SMUG1: variants seen among roughly 807,000 people sequenced by gnomAD.
The protein encoded by SMUG1 is single-strand-selective monofunctional uracil-DNA glycosylase 1, also known as single-strand selective monofunctional uracil DNA glycosylase.
A neutral mutation model predicts 23.9 loss-of-function variants in SMUG1; 13 were observed. That is an observed-to-expected ratio of 0.54 (90% confidence interval 0.35 to 0.86). SMUG1 has a LOEUF of 0.86. Ranked by LOEUF, SMUG1 falls within the 40% of genes least tolerant of loss-of-function variation. The pLI, the probability that SMUG1 is intolerant of heterozygous loss-of-function variation, is 0.01. For synonymous variants in SMUG1, 133 were observed against 139.8 expected (o/e 0.95, Z 0.34); for missense variants, 313 against 339.5 (o/e 0.92, Z 0.61).
At chr12:54,182,857 A>G (rs1024544034) in intron 3 of SMUG1, 1 of 732,746 alleles carries the variant, frequency 1.4e-6, no homozygotes, top group East Asian at 3.0e-5. Flanking sequence ...CTCTAGCCCA[A>G]CTAGCCTTTG....
At chr12:54,178,244 T>C (rs7131837), downstream of SMUG1, among the ~76,000 whole-genome samples, 110,384 of 151,986 alleles carry the variant, frequency 0.73, 40,556 homozygotes, top group African/African-American at 0.85. Flanking sequence ...GCCCTAGCAG[T>C]GTAATACAGT....
rs200562796 is a variant in SMUG1, at chr12:54,170,999, CT to C, written c.*52+1025del. Among the ~76,000 whole-genome samples the C allele has an allele frequency of 2.2e-3, 311 of 142,210 alleles. 1 individual carries two copies. The highest frequency in any genetic ancestry group is 7.5e-3 in the Middle Eastern group (2 of 268). 93.3% of individuals were successfully genotyped at this position (142,210 alleles called of 152,430 possible). A position where few individuals can be genotyped will look rare whatever the true frequency, so the allele number is the denominator to read the frequency against. On this transcript the variant is annotated intron_variant and NMD_transcript_variant, in intron 3 of 4. Coordinates refer to the SMUG1 transcript ENST00000509864. ...TGGATGCCCTTCACTTTCTTTCTTT[CT>C]TTTTTTTTTTTTTGAGACGAAGTGT...
At chr12:54,159,674 G>A (rs961715739) in intron 4 of SMUG1, among the ~76,000 whole-genome samples, 31 of 152,192 alleles carry the variant, frequency 2.0e-4, no homozygotes, top group African/African-American at 6.8e-4. Context: ...GCCTGAATAA[G>A]GGCTGATGAT....
At chr12:54,177,295 G>A (rs1393278527), downstream of SMUG1, among the ~76,000 whole-genome samples, 1 of 152,198 alleles carries the variant, frequency 6.6e-6, no homozygotes, top group African/African-American at 2.4e-5. Flanking sequence ...AAGTGGAGCT[G>A]AGACACTTGT....
intron 3 of SMUG1, among the ~76,000 whole-genome samples, chr12:54,167,544 G>C (rs754845538): frequency 6.6e-6 from 1 of 152,144 alleles, no homozygotes; most frequent in African/African-American, 2.4e-5. Context: ...ACCTCTCCCA[G>C]ATACACGTCT....
At chr12:54,180,311 A>G (rs1455402941), downstream of SMUG1, 4 of 152,246 alleles carry the variant, frequency 2.6e-5, no homozygotes, top group Non-Finnish European at 5.9e-5. Flanking sequence ...CGAAAAACAA[A>G]GATACTCCTA....
At chr12:54,188,153 A>T (rs1217466427) in intron 1 of SMUG1, among the ~76,000 whole-genome samples, 10 of 151,898 alleles carry the variant, frequency 6.6e-5, no homozygotes, top group South Asian at 2.1e-4. Flanking sequence ...CTGATGTCAG[A>T]CTTCTCTGAC....
At chr12:54,163,670 CCT>C (rs530201270), downstream of SMUG1, among the ~76,000 whole-genome samples, 45 of 152,244 alleles carry the variant, frequency 3.0e-4, 2 homozygotes, top group South Asian at 8.9e-3. Context: ...GGAATCGACC[CCT>C]GTGGTTAAGA....
intron 4 of SMUG1, among the ~76,000 whole-genome samples, chr12:54,158,941 C>T (rs924789011): frequency 1.3e-5 from 2 of 152,200 alleles, no homozygotes; most frequent in Non-Finnish European, 2.9e-5. Flanking sequence ...GAATCTTGCC[C>T]TCTGTGGGAT....
At chr12:54,163,090 G>A (rs1332544071), downstream of SMUG1, 1 of 152,308 alleles carries the variant, frequency 6.6e-6, no homozygotes, top group Non-Finnish European at 1.5e-5. Context: ...TGGCCTACCA[G>A]ATCTTGAGGG....
intron 2 of SMUG1, among the ~76,000 whole-genome samples, chr12:54,173,452 G>A (rs1940674593): frequency 6.6e-6 from 1 of 152,122 alleles, no homozygotes; most frequent in African/African-American, 2.4e-5. Context: ...GAGCGGGGCG[G>A]GCGCAGCAGA....
Position 54,182,471 on chromosome 12 carries a change from C to T in SMUG1, c.438G>A (p.Arg146=). 6.2e-7 allele frequency: 1 copy of T among 1,613,908 alleles called. No homozygotes were observed. The highest frequency in any genetic ancestry group is 1.1e-5 in the South Asian group (1 of 91,066). The change falls in exon 4 of 4, where the codon CGG becomes CGA. Residue 146 remains arginine, a synonymous_variant. Transcript: ENST00000682136. Reference sequence around the variant, plus strand: ...AGACCTCAGGCTGTCCACAGAGGTTCCGGAAAAAGCCCCAGAATCGGGCAC... The same window carrying T: ...AGACCTCAGGCTGTCCACAGAGGTTTCGGAAAAAGCCCCAGAATCGGGCAC... ...VSGARFWGFF[R]NLCGQPEVFF...
chr12:54,158,747 A>G (rs1940127475), intron 4 of SMUG1, among the ~76,000 whole-genome samples: 1 of 152,062 alleles, frequency 6.6e-6, no homozygotes, highest in Non-Finnish European at 1.5e-5. Context: ...TTCTACCTCC[A>G]GCCCTCCTAC....
Position 54,167,734 on chromosome 12 carries a change from C to T in SMUG1, c.*53-2256G>A, listed in dbSNP as rs565573976. Among the ~76,000 whole-genome samples the T allele has an allele frequency of 5.3e-5, 8 of 152,326 alleles. No individual in the cohort carries two copies. In the South Asian group the frequency reaches 1.2e-3, roughly 24 times the overall value. On this transcript the variant is annotated intron_variant and NMD_transcript_variant, in intron 3 of 4. Coordinates refer to the SMUG1 transcript ENST00000509864. Reference sequence around the variant, plus strand: ...TCACCCCAGCTACTGGTCCCTTTATCGTTCAAGGAATATGCCCTGAACTAT... The same window carrying T: ...TCACCCCAGCTACTGGTCCCTTTATTGTTCAAGGAATATGCCCTGAACTAT...
At chr12:54,184,213 A>C in intron 2 of SMUG1, 3 of 342,518 alleles carry the variant, frequency 8.8e-6, no homozygotes, top group Non-Finnish European at 1.6e-5. Flanking sequence ...GCCACCAAAC[A>C]TCTCCCACTC....
chr12:54,181,442 A>G lies in SMUG1; in HGVS notation c.*654T>C, dbSNP rs894451126. 2 of 963,306 alleles carry G rather than the reference A, an allele frequency of 2.1e-6. No homozygotes were observed. The highest frequency in any genetic ancestry group is 3.2e-5 in the African/African-American group (2 of 61,580). 59.7% of individuals were successfully genotyped at this position (963,306 alleles called of 1,614,324 possible). A position where few individuals can be genotyped will look rare whatever the true frequency, so the allele number is the denominator to read the frequency against. On this transcript the variant is annotated 3_prime_UTR_variant, in exon 4 of 4. Transcript: ENST00000682136. Reference sequence around the variant, plus strand: ...AATCCTCACACCAACCCCATAAGGTAGGCATCCCTGTTTTACAGATGAGGA... The same window carrying G: ...AATCCTCACACCAACCCCATAAGGTGGGCATCCCTGTTTTACAGATGAGGA...
intron 1 of SMUG1, 72 bp from the exon 2 acceptor site, chr12:54,187,974 C>A (rs1380722224): frequency 6.6e-6 from 1 of 152,144 alleles, no homozygotes; most frequent in Non-Finnish European, 1.5e-5. Context: ...GAACAAAACA[C>A]TAAGAGAACC....
downstream of SMUG1, among the ~76,000 whole-genome samples, chr12:54,178,933 G>A (rs1940818182): frequency 6.6e-6 from 1 of 152,194 alleles, no homozygotes; most frequent in East Asian, 1.9e-4. Context: ...CTGGCTGCTA[G>A]GGCGGCTAGA....
At chr12:54,176,723 C>T (rs951015171), downstream of SMUG1, among the ~76,000 whole-genome samples, 5 of 151,378 alleles carry the variant, frequency 3.3e-5, no homozygotes, top group African/African-American at 9.7e-5. Flanking sequence ...AGGAGAATGG[C>T]GTGAACCCGG....
Sources: allele counts gnomAD v4.1 joint callset (sites outside exome capture counted in the v4.1 genomes callset), GRCh38; gene constraint gnomAD v4.1.1; transcripts MANE v1.5; gene names NCBI Gene and HGNC (gene_info 2026-07-23, HGNC 2026-07-21).